Variants in ITFG1 observed in about 807,000 individuals in gnomAD.
The protein encoded by ITFG1 is integrin alpha FG-GAP repeat containing 1, also known as T-cell immunomodulatory protein.
A neutral mutation model predicts 81.8 loss-of-function variants in ITFG1; 34 were observed. That is an observed-to-expected ratio of 0.42 (90% CI 0.32 to 0.55). The LOEUF (loss-of-function observed/expected upper bound fraction) is 0.55, where lower values mean the gene tolerates loss of function less well. ITFG1 is among the 20% of genes least tolerant of loss of function. The pLI is 0.17. For missense variants in ITFG1, 672 were observed against 755.4 expected, an observed-to-expected ratio of 0.89 and a Z score of 1.29; for synonymous variants, 285 against 270.6, an observed-to-expected ratio of 1.05 and a Z score of -0.52.
At chr16:47,195,276 T>C (rs1229489158) in intron 14 of ITFG1, among the ~76,000 whole-genome samples, 1 of 152,176 alleles carries the variant, frequency 6.6e-6, no homozygotes, top group East Asian at 1.9e-4. Flanking sequence ...CATAGGTTAT[T>C]AAAGTTTTAT....
At chr16:47,451,338 G>A in intron 5 of ITFG1, 58 bp downstream of exon 5, 1 of 933,406 alleles carries the variant, frequency 1.1e-6, no homozygotes, top group Non-Finnish European at 1.7e-6. Flanking sequence ...TTTCTCCAAT[G>A]GTTAAAGTAG....
At chr16:47,343,977 G>C (rs1967817867) in intron 8 of ITFG1, among the ~76,000 whole-genome samples, 1 of 152,132 alleles carries the variant, frequency 6.6e-6, no homozygotes, top group Non-Finnish European at 1.5e-5. Context: ...ATACCAGACA[G>C]AACACGGATG....
chr16:47,281,995 C>T (rs1237209560), intron 10 of ITFG1, among the ~76,000 whole-genome samples: 1 of 151,938 alleles, frequency 6.6e-6, no homozygotes. Flanking sequence ...TCATCCCTCA[C>T]ATCCCCTCAG....
intron 15 of ITFG1, 38 bp from the exon 16 acceptor site, chr16:47,161,870 A>G: frequency 1.7e-6 from 2 of 1,192,240 alleles, no homozygotes; most frequent in Non-Finnish European, 2.5e-6. Context: ...CATTCAGCAC[A>G]TTTAAAAAAC....
chr16:47,370,162 G>A (rs964659090), intron 7 of ITFG1, among the ~76,000 whole-genome samples: 2 of 151,944 alleles, frequency 1.3e-5, no homozygotes, highest in Admixed American at 6.6e-5. Context: ...TTCTAATAGC[G>A]GCAGGAGGCA....
chr16:47,302,280 T>C (rs1967088269), intron 10 of ITFG1, among the ~76,000 whole-genome samples: 1 of 152,270 alleles, frequency 6.6e-6, no homozygotes, highest in South Asian at 2.1e-4. Flanking sequence ...CTAGAGAAAT[T>C]TGTCTTTTAA....
intron 14 of ITFG1, among the ~76,000 whole-genome samples, chr16:47,215,405 T>C (rs899737345): frequency 1.3e-5 from 2 of 152,252 alleles, no homozygotes; most frequent in African/African-American, 4.8e-5. Context: ...AAATACAGCA[T>C]ATGTTTGAAA....
chr16:47,382,682 CTTTA>C (rs925665628), intron 6 of ITFG1, among the ~76,000 whole-genome samples: 4 of 152,020 alleles, frequency 2.6e-5, no homozygotes. Context: ...AAACCACTGG[CTTTA>C]TTTATTTCAG....
chr16:47,348,228 T>G lies in ITFG1; in HGVS notation c.802+17560A>C, dbSNP rs577264081. Among the ~76,000 whole-genome samples the G allele has an allele frequency of 2.0e-5, 3 of 152,304 alleles. No individual in the cohort carries two copies. The South Asian group carries it at 6.2e-4, about 32-fold the overall frequency. ...TGGACGGAGAATAACTTTGACGAGT[T>G]AAGAGAAGAAGGATTCAGATGATCA... On this transcript the variant is annotated intron_variant, in intron 8 of 17. Coordinates refer to ENST00000320640, the MANE Select transcript of ITFG1 (RefSeq NM_030790.5).
intron 7 of ITFG1, among the ~76,000 whole-genome samples, chr16:47,371,491 T>C (rs770057586): frequency 3.3e-5 from 5 of 152,194 alleles, no homozygotes; most frequent in Non-Finnish European, 5.9e-5. Context: ...TCTACTTGAA[T>C]TCCAACCAAA....
At chr16:47,418,229 C>T (rs187734960) in intron 6 of ITFG1, among the ~76,000 whole-genome samples, 137 of 152,142 alleles carry the variant, frequency 9.0e-4, no homozygotes, top group African/African-American at 3.0e-3. Context: ...GGATTATTTG[C>T]TTTCTTACCG....
chr16:47,166,870 C>T (rs567917484), intron 14 of ITFG1, among the ~76,000 whole-genome samples: 2 of 152,158 alleles, frequency 1.3e-5, no homozygotes, highest in South Asian at 4.2e-4. Context: ...ATATAGAAAC[C>T]TTGTTTCCTA....
chr16:47,175,808 T>A (rs1312835307), intron 14 of ITFG1, among the ~76,000 whole-genome samples: 1 of 152,172 alleles, frequency 6.6e-6, no homozygotes, highest in African/African-American at 2.4e-5. Context: ...AGTGCAGTGG[T>A]TAGTCACAGA....
intron 8 of ITFG1, among the ~76,000 whole-genome samples, chr16:47,330,541 C>T (rs543888543): frequency 6.6e-5 from 10 of 152,074 alleles, no homozygotes; most frequent in Admixed American, 4.6e-4. Flanking sequence ...AAAAAGACAA[C>T]CTATAGAATG....
intron 12 of ITFG1, among the ~76,000 whole-genome samples, chr16:47,242,333 CAA>C (rs60088139): frequency 7.6e-6 from 1 of 131,112 alleles, no homozygotes; most frequent in Admixed American, 7.6e-5. Context: ...TGCAAATAAT[CAA>C]AAAAAAAAAC....
intron 6 of ITFG1, among the ~76,000 whole-genome samples, chr16:47,412,035 C>T (rs1448544928): frequency 1.3e-5 from 2 of 152,060 alleles, no homozygotes; most frequent in African/African-American, 4.8e-5. Flanking sequence ...AGAAATAACC[C>T]AGAAACAAAG....
chr16:47,328,230 C>G (rs1000293575), intron 8 of ITFG1, among the ~76,000 whole-genome samples: 2 of 152,014 alleles, frequency 1.3e-5, no homozygotes, highest in African/African-American at 4.8e-5. Flanking sequence ...GTCAAAAAAC[C>G]AAAGACCACA....
chr16:47,268,847 C>T (rs1966306608), intron 10 of ITFG1, among the ~76,000 whole-genome samples: 1 of 152,108 alleles, frequency 6.6e-6, no homozygotes, highest in Admixed American at 6.5e-5. Context: ...TGCAAAGTTC[C>T]TTTAATATTC....
chr16:47,386,033 A>G (rs1424613743), intron 6 of ITFG1, among the ~76,000 whole-genome samples: 1 of 152,216 alleles, frequency 6.6e-6, no homozygotes, highest in African/African-American at 2.4e-5. Context: ...CATTGACTTA[A>G]ACAAAAAAAC....
Sources: gnomAD v4.1 joint callset for allele counts (sites outside exome capture counted in the v4.1 genomes callset) on GRCh38, gnomAD v4.1.1 for gene constraint, MANE v1.5 for transcripts, NCBI Gene and HGNC (gene_info 2026-07-23, HGNC 2026-07-21) for gene names.